Variants in DNAH7 observed in about 807,000 individuals in gnomAD.
DNAH7 encodes axonemal beta dynein heavy chain 7.
Under a neutral mutation model 444.6 loss-of-function variants are expected in DNAH7, and 397 were observed. The observed-to-expected ratio is 0.89, with a 90% confidence interval of 0.82 to 0.97. DNAH7 has a LOEUF of 0.97. DNAH7 is among the 50% of genes least tolerant of loss of function. The probability of loss-of-function intolerance (pLI) is 0.00; values close to 1 mark genes in which losing one functional copy is unlikely to be tolerated. For synonymous variants in DNAH7, 1,636 were observed against 1,624.4 expected (o/e 1.01, Z -0.17); for missense variants, 4,902 against 4,800.8 (o/e 1.02, Z -0.62).
intron 19 of DNAH7, among the ~76,000 whole-genome samples, chr2:195,956,200 G>C (rs1690641164): frequency 6.6e-6 from 1 of 152,012 alleles, no homozygotes; most frequent in South Asian, 2.1e-4. Flanking sequence ...TTCTATTTCA[G>C]GGTAAGACAT....
intron 41 of DNAH7, among the ~76,000 whole-genome samples, chr2:195,862,614 GCTC>G (rs1171311106): frequency 1.3e-5 from 2 of 151,992 alleles, no homozygotes; most frequent in South Asian, 2.1e-4. Flanking sequence ...CAGTTCCTGT[GCTC>G]CTGTCACCCT....
intron 61 of DNAH7, among the ~76,000 whole-genome samples, chr2:195,770,904 G>C (rs1694804511): frequency 6.7e-6 from 1 of 149,114 alleles, no homozygotes; most frequent in African/African-American, 2.5e-5. Flanking sequence ...AGGTCTTGCT[G>C]TGTTGCCAAG....
intron 55 of DNAH7, among the ~76,000 whole-genome samples, chr2:195,798,339 G>A (rs1160855477): frequency 1.3e-5 from 2 of 152,022 alleles, no homozygotes; most frequent in African/African-American, 2.4e-5. Context: ...CAATACAAGT[G>A]GTGGTGGTGG....
chr2:195,926,615 A>C, intron 21 of DNAH7, 49 bp from the exon 22 acceptor site: 1 of 1,508,498 alleles, frequency 6.6e-7, no homozygotes, highest in East Asian at 2.4e-5. Context: ...TGAACAAGTT[A>C]TACAATTGAG....
intron 13 of DNAH7, 91 bp from the exon 14 acceptor site, chr2:195,987,284 GTGTGA>G (rs1240032344): frequency 1.4e-5 from 13 of 943,790 alleles, no homozygotes; most frequent in African/African-American, 3.3e-5. Flanking sequence ...TTATTTTTGT[GTGTGA>G]TGTAACAAGA....
At chr2:195,837,194 T>C (rs780259630) in intron 47 of DNAH7, among the ~76,000 whole-genome samples, 2 of 152,200 alleles carry the variant, frequency 1.3e-5, no homozygotes, top group Admixed American at 6.5e-5. Context: ...TCTACTGATA[T>C]TGAAACAGTA....
intron 17 of DNAH7, among the ~76,000 whole-genome samples, chr2:195,967,263 CCTG>C (rs1691543574): frequency 6.6e-6 from 1 of 151,394 alleles, no homozygotes; most frequent in Non-Finnish European, 1.5e-5. Context: ...ACTTCATCCT[CCTG>C]CTTTTTAACT....
intron 48 of DNAH7, 93 bp downstream of exon 48, chr2:195,834,113 G>T: frequency 7.7e-7 from 1 of 1,290,944 alleles, no homozygotes; most frequent in Non-Finnish European, 1.1e-6. Context: ...AGGCTGAGGT[G>T]GGAGGATCGC....
chr2:195,863,762 C>A (rs1476303520), intron 41 of DNAH7, among the ~76,000 whole-genome samples: 1 of 152,156 alleles, frequency 6.6e-6, no homozygotes, highest in Non-Finnish European at 1.5e-5. Context: ...ACACTTCCTG[C>A]TATTGCTCCA....
intron 15 of DNAH7, among the ~76,000 whole-genome samples, chr2:195,974,554 T>A (rs1692055946): frequency 6.6e-6 from 1 of 152,134 alleles, no homozygotes; most frequent in African/African-American, 2.4e-5. Context: ...CAGTAATAGC[T>A]AGGAGGATAA....
chr2:195,925,913 T>C (rs1017108403), intron 22 of DNAH7, among the ~76,000 whole-genome samples: 5 of 152,076 alleles, frequency 3.3e-5, no homozygotes, highest in African/African-American at 4.8e-5. Flanking sequence ...TAAATTAATA[T>C]ATCCAATTAT....
chr2:195,845,266 C>G (rs979061596), intron 46 of DNAH7, 101 bp from the exon 47 acceptor site: 6 of 921,866 alleles, frequency 6.5e-6, no homozygotes, highest in Non-Finnish European at 9.1e-6. Flanking sequence ...AGTCAACAAA[C>G]CATTGTGGAA....
chr2:195,743,635 C>T (rs1444155717), intron 63 of DNAH7, among the ~76,000 whole-genome samples: 1 of 152,134 alleles, frequency 6.6e-6, no homozygotes, highest in East Asian at 1.9e-4. Flanking sequence ...TATGTCCCTC[C>T]CACTAGGGTC....
At chr2:195,789,352 A>G (rs1346569928) in intron 57 of DNAH7, among the ~76,000 whole-genome samples, 1 of 152,190 alleles carries the variant, frequency 6.6e-6, no homozygotes, top group Non-Finnish European at 1.5e-5. Flanking sequence ...TTAATAGATA[A>G]ACAAATGGCG....
chr2:195,757,079 C>A (rs1264274012), intron 61 of DNAH7, among the ~76,000 whole-genome samples: 1 of 152,038 alleles, frequency 6.6e-6, no homozygotes, highest in Non-Finnish European at 1.5e-5. Context: ...CCTCCTGTCT[C>A]GACCTCCCGA....
chr2:195,926,307 C>T (rs1024264479), intron 22 of DNAH7, 119 bp downstream of exon 22: 46 of 917,220 alleles, frequency 5.0e-5, no homozygotes, highest in Non-Finnish European at 6.3e-5. Context: ...ATTTGGCTTG[C>T]AGCATAAAGT....
rs573329571 is a variant in DNAH7 at position 195,785,341 on chromosome 2, G to C, written c.10878+1669C>G. ...TTTCTCTCAGTCTGTCTGTGTGTGT[G>C]TGTGTTTTTAATTTAATTTAATTTA... On this transcript the variant is annotated intron_variant, in intron 58 of 64. Coordinates refer to ENST00000312428, the MANE Select transcript of DNAH7 (RefSeq NM_018897.3). Among the ~76,000 whole-genome samples, 36 of 152,254 alleles carry C rather than the reference G, an allele frequency of 2.4e-4. No homozygotes were observed. The South Asian group carries it at 7.5e-3, about 32-fold the overall frequency.
rs372435910 is a variant in DNAH7, at chr2:195,858,462, C to T, written c.8067+12G>A. ...GACATGTGTCCTAGAAAGTGTATGGCGAAGCTCTTACCTGTGCAGTAAGAG... is the reference window on the plus strand; with the variant it reads ...GACATGTGTCCTAGAAAGTGTATGGTGAAGCTCTTACCTGTGCAGTAAGAG... On this transcript the variant is annotated intron_variant, in intron 43 of 64. Coordinates refer to ENST00000312428, the MANE Select transcript of DNAH7 (RefSeq NM_018897.3). The T allele has an allele frequency of 3.1e-5, 49 of 1,561,706 alleles. No individual in the cohort carries two copies. Among genetic ancestry groups the T allele is most frequent in the Non-Finnish European group, 4.1e-5 (47 of 1,155,308 alleles).
At chr2:195,791,815 T>G (rs576126389) in intron 57 of DNAH7, among the ~76,000 whole-genome samples, 1 of 152,246 alleles carries the variant, frequency 6.6e-6, no homozygotes, top group African/African-American at 2.4e-5. Context: ...GAAAACCAAA[T>G]ACTGCATCTT....
Sources: allele counts gnomAD v4.1 joint callset (sites outside exome capture counted in the v4.1 genomes callset), GRCh38; gene constraint gnomAD v4.1.1; transcripts MANE v1.5; gene names NCBI Gene and HGNC (gene_info 2026-07-23, HGNC 2026-07-21).